The following FBXL18 variants were observed in gnomAD, a reference collection of about 807,000 sequenced individuals.
FBXL18 encodes the protein F-box/LRR-repeat protein 18.
A neutral mutation model predicts 46.0 loss-of-function variants in FBXL18; 36 were observed. The ratio of observed to expected loss-of-function variants is 0.78; its 90% CI spans 0.60 to 1.03. The LOEUF (loss-of-function observed/expected upper bound fraction) is 1.03, where lower values mean the gene tolerates loss of function less well. FBXL18 is among the 50% of genes least tolerant of loss of function. FBXL18 has a pLI of 0.00. For synonymous variants in FBXL18, 557 were observed against 465.3 expected (o/e 1.20, Z -2.54); for missense variants, 977 against 1,004.1 (o/e 0.97, Z 0.36).
intron 4 of FBXL18, among the ~76,000 whole-genome samples, chr7:5,456,569 G>A (rs146258622): frequency 2.0e-5 from 3 of 152,078 alleles, no homozygotes; most frequent in African/African-American, 4.8e-5. Flanking sequence ...AAGGTGGGGG[G>A]GCTCCAGGCA....
At chr7:5,489,383 C>G (rs1783855625) in intron 4 of FBXL18, 18 of 508,116 alleles carry the variant, frequency 3.5e-5, no homozygotes, top group South Asian at 2.4e-4. Context: ...GCCTGTAATC[C>G]CAGCACTTTG....
intron 3 of FBXL18, among the ~76,000 whole-genome samples, chr7:5,494,700 C>G (rs1426625130): frequency 6.6e-6 from 1 of 152,190 alleles, no homozygotes; most frequent in African/African-American, 2.4e-5. Flanking sequence ...AAAGTCACCT[C>G]TGGATTTCTC....
Position 5,513,778 on chromosome 7 carries a change from A to G in FBXL18, c.-104T>C. 3 of 1,475,844 alleles carry G rather than the reference A, an allele frequency of 2.0e-6. No individual in the cohort carries two copies. The highest frequency in any genetic ancestry group is 2.7e-6 in the Non-Finnish European group (3 of 1,095,738). The allele number at this position is 1,475,844 out of a possible 1,614,324, so 91.4% of individuals were successfully genotyped here. On this transcript the variant is annotated 5_prime_UTR_variant, in exon 1 of 5. Coordinates refer to ENST00000382368, the MANE Select transcript of FBXL18 (RefSeq NM_024963.6). The stretch of plus-strand genomic sequence containing the variant: ...CCGGCGCGTCCACCGCTCAACCGAG[A>G]CCCCGGCAAGGAGCGGGCTCTCGTC...
At position 5,501,051 on chromosome 7, in the gene FBXL18, G is replaced by A. The variant is rs762942120; in HGVS notation, c.1218C>T (p.Cys406=). The change falls in exon 3 of 5, where the codon TGC becomes TGT. Residue 406 remains cysteine (C), a synonymous_variant. Transcript: ENST00000382368. ...GGTGACGCAGCCGGGCCAGGAGCTG[G>A]CAGAGGTGGCGGCCCAGGCCCTCCG... ...HSSEGLGRHL[C]QLLARLRHLR... is the part of the protein sequence containing the mutation. 5.6e-6 allele frequency: 9 copies of A among 1,608,532 alleles called. No individual in the cohort carries two copies. The highest frequency in any genetic ancestry group is 3.3e-4 in the Middle Eastern group (2 of 6,050).
intron 2 of FBXL18, among the ~76,000 whole-genome samples, chr7:5,505,165 A>G (rs1784363200): frequency 6.6e-6 from 1 of 151,736 alleles, no homozygotes; most frequent in Admixed American, 6.6e-5. Flanking sequence ...CCCACTCCCA[A>G]GGCCCTAGGT....
At chr7:5,502,167 C>T in intron 2 of FBXL18, 136 bp from the exon 3 acceptor site, 1 of 652,094 alleles carries the variant, frequency 1.5e-6, no homozygotes, top group Non-Finnish European at 2.6e-6. Flanking sequence ...TCGCTGCCTA[C>T]CTGCCCGCAC....
rs1394406407 is a variant in FBXL18, at chr7:5,505,952, C to G, written c.19-322G>C. Among the ~76,000 whole-genome samples the G allele has an allele frequency of 3.9e-5, 6 of 152,184 alleles. 1 individual carries two copies. In the East Asian group the frequency reaches 9.6e-4, roughly 24 times the overall value. On this transcript the variant is annotated intron_variant, in intron 1 of 4. Transcript: ENST00000382368. ...TGATCTCGGCTCACTGCAACCTCCG[C>G]CTCCCAGGCTCAAGAGATTCTCCTG...
At chr7:5,459,529 A>G (rs145175521) in intron 4 of FBXL18, among the ~76,000 whole-genome samples, 14,388 of 152,108 alleles carry the variant, frequency 0.095, 936 homozygotes, top group South Asian at 0.23. Flanking sequence ...ACACGAGGTC[A>G]GGAGATCAAG....
rs765176953 is a variant in FBXL18 at position 5,505,631 on chromosome 7, C to T, written c.19-1G>A. ...TGTCATCATCATCATTGGATATGTC[C>T]TGAAAATAAGGGGGACACCATTCCC... On this transcript the variant is annotated splice_acceptor_variant, in intron 1 of 4. Coordinates refer to ENST00000382368, the MANE Select transcript of FBXL18 (RefSeq NM_024963.6). LOFTEE classifies it high-confidence loss of function. 2 of 1,613,390 alleles carry T rather than the reference C, an allele frequency of 1.2e-6. No homozygotes were observed. Among genetic ancestry groups the T allele is most frequent in the Admixed American group, 3.3e-5 (2 of 59,984 alleles).
At chr7:5,459,695 G>C (rs1255965524) in intron 4 of FBXL18, among the ~76,000 whole-genome samples, 1 of 150,426 alleles carries the variant, frequency 6.6e-6, no homozygotes, top group Non-Finnish European at 1.5e-5. Context: ...AGCAGAGATT[G>C]TGCCACTGCA....
rs747890089 is a variant in FBXL18, at chr7:5,501,018, G to C, written c.1251C>G (p.Ser417=). ...QLLARLRHLR[S]LSLPVCSVAD... ...CGACAGAGCAGACAGGCAGGGAGAG[G>C]GAGCGCAGGTGACGCAGCCGGGCCA... Residue 417 remains serine (S), a synonymous_variant, in exon 3 of 5, where the codon TCC becomes TCG. Coordinates refer to ENST00000382368, the MANE Select transcript of FBXL18 (RefSeq NM_024963.6). The C allele has an allele frequency of 6.3e-7, 1 of 1,599,016 alleles. No homozygotes were observed. Among genetic ancestry groups the C allele is most frequent in the Admixed American group, 1.7e-5 (1 of 58,782 alleles).
At chr7:5,508,119 A>AG (rs1337223877) in intron 1 of FBXL18, among the ~76,000 whole-genome samples, 1 of 151,880 alleles carries the variant, frequency 6.6e-6, no homozygotes, top group Non-Finnish European at 1.5e-5. Flanking sequence ...TACAAAAACT[A>AG]GCCAGGCGTG....
At chr7:5,494,178 A>T (rs1218625524) in intron 3 of FBXL18, among the ~76,000 whole-genome samples, 3 of 152,128 alleles carry the variant, frequency 2.0e-5, no homozygotes, top group African/African-American at 7.2e-5. Context: ...AGGCTGAGGC[A>T]GGAAAATCGT....
chr7:5,459,942 G>A (rs1403821413), intron 4 of FBXL18, among the ~76,000 whole-genome samples: 2 of 151,688 alleles, frequency 1.3e-5, no homozygotes, highest in African/African-American at 4.8e-5. Flanking sequence ...ATGGCACAAG[G>A]GCATAGCAGT....
rs942122173 is a variant in FBXL18 at position 5,478,816 on chromosome 7, A to T, written c.*2959T>A. 2 of 151,282 alleles carry T rather than the reference A, an allele frequency of 1.3e-5. No individual in the cohort carries two copies. The highest frequency in any genetic ancestry group is 4.9e-5 in the African/African-American group (2 of 41,074). 9.4% of individuals were successfully genotyped at this position (151,282 alleles called of 1,614,324 possible). A position where few individuals can be genotyped will look rare whatever the true frequency, so the allele number is the denominator to read the frequency against. Reference sequence around the variant, plus strand: ...CACGCAGGCACACGCATGCAGGCACATGTGCACACACAGGGCACAGGTACC... The same window carrying T: ...CACGCAGGCACACGCATGCAGGCACTTGTGCACACACAGGGCACAGGTACC... On this transcript the variant is annotated 3_prime_UTR_variant, in exon 5 of 5. Transcript: ENST00000382368.
In FBXL18 at chr7:5,505,480, G is replaced by C. The variant is rs368029192; in HGVS notation, c.169C>G (p.Arg57Gly). 2 of 1,614,020 alleles carry C rather than the reference G, an allele frequency of 1.2e-6. No individual in the cohort carries two copies. The highest frequency in any genetic ancestry group is 1.7e-6 in the Non-Finnish European group (2 of 1,180,042). ...DLILNVRRTC[R>G]KLAALCLDKS... is the part of the protein sequence containing the mutation. ...TCAAGGCACAGGGCTGCAAGCTTCC[G>C]ACAGGTACGCCGGACGTTCAGAATC... Residue 57 changes from arginine to glycine, a missense_variant, in exon 2 of 5, where the codon CGG becomes GGG. Coordinates refer to ENST00000382368, the MANE Select transcript of FBXL18 (RefSeq NM_024963.6).
At chr7:5,490,399 G>C (rs1037859224) in intron 4 of FBXL18, among the ~76,000 whole-genome samples, 1 of 152,318 alleles carries the variant, frequency 6.6e-6, no homozygotes, top group East Asian at 1.9e-4. Flanking sequence ...CCTAATTTGT[G>C]TTCAATTCTA....
intron 1 of FBXL18, among the ~76,000 whole-genome samples, chr7:5,512,662 G>C (rs986159368): frequency 6.6e-6 from 1 of 152,134 alleles, no homozygotes; most frequent in African/African-American, 2.4e-5. Flanking sequence ...AATTCTGTAA[G>C]ACCAAGGTAC....
intron 1 of FBXL18, 30 bp downstream of exon 1, chr7:5,513,627 A>C: frequency 6.2e-7 from 1 of 1,612,086 alleles, no homozygotes; most frequent in South Asian, 1.1e-5. Flanking sequence ...GCCGAGGCAG[A>C]AGCAGAGCGG....
Sources: allele counts gnomAD v4.1 joint callset (sites outside exome capture counted in the v4.1 genomes callset), GRCh38; gene constraint gnomAD v4.1.1; transcripts MANE v1.5; gene names NCBI Gene and HGNC (gene_info 2026-07-23, HGNC 2026-07-21).